The following DCC variants were observed in gnomAD, a reference collection of about 807,000 sequenced individuals.
DCC encodes netrin receptor DCC.
DCC carries 58 observed loss-of-function variants against 172.5 expected under a neutral mutation model. The ratio of observed to expected loss-of-function variants is 0.34; its 90% CI spans 0.27 to 0.42. The LOEUF (loss-of-function observed/expected upper bound fraction) is 0.42. Among genes scored for constraint, DCC ranks in the 10% least tolerant of loss-of-function variants. The pLI is 1.00. For synonymous variants in DCC, 709 were observed against 644.5 expected (o/e 1.10, Z -1.52); for missense variants, 1,740 against 1,791.0 (o/e 0.97, Z 0.51).
At chr18:52,514,642 T>C (rs1345563503) in intron 1 of DCC, among the ~76,000 whole-genome samples, 1 of 152,230 alleles carries the variant, frequency 6.6e-6, no homozygotes, top group East Asian at 1.9e-4. Flanking sequence ...CTGTGCTGCT[T>C]ATTATCAAAT....
chr18:52,920,909 A>T (rs975134187), intron 3 of DCC, among the ~76,000 whole-genome samples: 1 of 152,172 alleles, frequency 6.6e-6, no homozygotes, highest in African/African-American at 2.4e-5. Context: ...GCTGTGAGAA[A>T]AAAGCCAGTC....
At chr18:52,895,247 T>C (rs150900436) in intron 2 of DCC, among the ~76,000 whole-genome samples, 4 of 152,368 alleles carry the variant, frequency 2.6e-5, no homozygotes, top group Non-Finnish European at 4.4e-5. Flanking sequence ...TTTATGAGCA[T>C]TGCAACCATT....
chr18:52,973,446 C>G (rs1030516749), intron 5 of DCC, among the ~76,000 whole-genome samples: 7 of 152,188 alleles, frequency 4.6e-5, no homozygotes, highest in African/African-American at 1.7e-4. Flanking sequence ...AACTTGCTTA[C>G]CCACTGGCCA....
chr18:52,597,186 T>C (rs1233520141), intron 1 of DCC, among the ~76,000 whole-genome samples: 1 of 152,186 alleles, frequency 6.6e-6, no homozygotes, highest in African/African-American at 2.4e-5. Flanking sequence ...AAACGGCCTA[T>C]AAAATTGTGA....
intron 27 of DCC, among the ~76,000 whole-genome samples, chr18:53,508,385 G>T (rs2046209772): frequency 1.3e-5 from 2 of 151,740 alleles, no homozygotes; most frequent in African/African-American, 4.8e-5. Context: ...CAGAGATGAG[G>T]TTTTGTTATG....
Position 52,428,634 on chromosome 18 carries a change from C to T in DCC, c.91+87756C>T, listed in dbSNP as rs556633950. ...ATAAATTATTATTGTCATCATTAGC[C>T]ATATTGTTACCAAACTATTTCAGGA... On this transcript the variant is annotated intron_variant, in intron 1 of 28. Coordinates refer to ENST00000442544, the MANE Select transcript of DCC (RefSeq NM_005215.4). Among the ~76,000 whole-genome samples, 21 of 152,104 alleles carry T rather than the reference C, an allele frequency of 1.4e-4. 1 individual carries two copies. The highest frequency in any genetic ancestry group is 3.4e-3 in the Middle Eastern group (1 of 294).
chr18:53,134,777 CAG>C (rs2043715087), intron 7 of DCC, among the ~76,000 whole-genome samples: 2 of 152,160 alleles, frequency 1.3e-5, no homozygotes, highest in African/African-American at 4.8e-5. Context: ...TTTTAAAAGA[CAG>C]ACACATTAAA....
intron 13 of DCC, among the ~76,000 whole-genome samples, chr18:53,313,282 G>A (rs1347634226): frequency 2.0e-5 from 3 of 152,042 alleles, no homozygotes; most frequent in African/African-American, 4.8e-5. Context: ...GTCTCGCTCT[G>A]TGGCCCAGGG....
intron 15 of DCC, 132 bp from the exon 16 acceptor site, chr18:53,385,911 T>C: frequency 1.4e-6 from 1 of 710,022 alleles, no homozygotes; most frequent in Non-Finnish European, 2.5e-6. Flanking sequence ...CCTTTCTGAA[T>C]CCAACTCACT....
intron 8 of DCC, among the ~76,000 whole-genome samples, chr18:53,177,674 C>A (rs1198949077): frequency 1.3e-5 from 2 of 152,206 alleles, no homozygotes; most frequent in African/African-American, 2.4e-5. Context: ...TGGTGAATTA[C>A]CCATGTGCAG....
At chr18:52,436,028 A>C (rs956524307) in intron 1 of DCC, among the ~76,000 whole-genome samples, 2 of 152,222 alleles carry the variant, frequency 1.3e-5, no homozygotes, top group African/African-American at 4.8e-5. Context: ...AGTTCTCCGG[A>C]AACTCTGGGA....
intron 1 of DCC, among the ~76,000 whole-genome samples, chr18:52,569,889 G>T (rs1181837582): frequency 6.6e-6 from 1 of 152,126 alleles, no homozygotes; most frequent in Non-Finnish European, 1.5e-5. Flanking sequence ...AGTGCAATTT[G>T]AATTATATAT....
At chr18:52,739,430 A>G (rs1437195113) in intron 1 of DCC, among the ~76,000 whole-genome samples, 1 of 152,222 alleles carries the variant, frequency 6.6e-6, no homozygotes, top group East Asian at 1.9e-4. Flanking sequence ...TGAAATAAAC[A>G]ATATGATTCA....
intron 24 of DCC, among the ~76,000 whole-genome samples, chr18:53,460,154 A>G (rs1000048995): frequency 7.0e-5 from 5 of 71,844 alleles, no homozygotes; most frequent in Admixed American, 6.4e-4. Context: ...TAATTGTAAG[A>G]TAGTTCACTT....
intron 4 of DCC, among the ~76,000 whole-genome samples, chr18:52,925,031 G>T (rs372839881): frequency 6.6e-6 from 1 of 151,516 alleles, no homozygotes; most frequent in African/African-American, 2.4e-5. Context: ...TTATTTGATC[G>T]CTACACACAA....
chr18:52,518,961 G>T (rs943488322), intron 1 of DCC, among the ~76,000 whole-genome samples: 1 of 152,166 alleles, frequency 6.6e-6, no homozygotes. Context: ...CTAAATGAAG[G>T]CCAGAGAATG....
intron 12 of DCC, among the ~76,000 whole-genome samples, chr18:53,234,479 T>A (rs1035391951): frequency 6.6e-5 from 10 of 152,030 alleles, no homozygotes; most frequent in Admixed American, 2.0e-4. Context: ...AGTCAGGTTT[T>A]TTTCTGCTTC....
chr18:53,460,772 T>C (rs1323913171), intron 24 of DCC, among the ~76,000 whole-genome samples: 1 of 152,162 alleles, frequency 6.6e-6, no homozygotes, highest in Non-Finnish European at 1.5e-5. Flanking sequence ...GCAGCACGAT[T>C]TATAGTCCTT....
At chr18:52,936,335 C>T (rs1439558383) in intron 5 of DCC, among the ~76,000 whole-genome samples, 6 of 121,790 alleles carry the variant, frequency 4.9e-5, no homozygotes, top group African/African-American at 1.4e-4. Context: ...CAAAATGATT[C>T]GTTATTTCAG....
Sources: allele counts gnomAD v4.1 joint callset (sites outside exome capture counted in the v4.1 genomes callset), GRCh38; gene constraint gnomAD v4.1.1; transcripts MANE v1.5; gene names NCBI Gene and HGNC (gene_info 2026-07-23, HGNC 2026-07-21).